CYFIP1: variants seen among roughly 807,000 people sequenced by gnomAD.
CYFIP1 encodes cytoplasmic FMR1 interacting protein 1.
A neutral mutation model predicts 163.5 loss-of-function variants in CYFIP1; 58 were observed. The ratio of observed to expected loss-of-function variants is 0.35; its 90% CI spans 0.29 to 0.44. The LOEUF is 0.44. Among genes scored for constraint, CYFIP1 ranks in the 20% least tolerant of loss-of-function variants. CYFIP1 has a pLI of 1.00. For missense variants in CYFIP1, 1,338 were observed against 1,653.8 expected (o/e 0.81, Z 3.31); for synonymous variants, 663 against 660.7 (o/e 1.00, Z -0.05).
chr15:22,977,578 C>G (rs550364627), intron 1 of CYFIP1, among the ~76,000 whole-genome samples: 9 of 152,122 alleles, frequency 5.9e-5, no homozygotes, highest in Non-Finnish European at 1.2e-4. Context: ...CGCCTGTAAT[C>G]CCAGCACGTT....
At chr15:22,975,441 C>CA (rs35556120) in intron 1 of CYFIP1, among the ~76,000 whole-genome samples, 3,750 of 71,054 alleles carry the variant, frequency 0.053, 199 homozygotes, top group Middle Eastern at 0.074. Context: ...GACTCCGTCT[C>CA]AAAAAAAAAA....
Position 22,937,187 on chromosome 15 carries a change from G to A in CYFIP1, c.817C>T (p.Leu273=). ...ATGTTACTGACACTCCCATCCATCA[G>A]GTACAGACCAAATCCCATGACCTGA... ...LLKVMGFGLY[L]MDGSVSNIYK... The change falls in exon 9 of 31, where the codon CTG becomes TTG. Residue 273 remains leucine, a synonymous_variant. Transcript: ENST00000617928. 6.2e-7 allele frequency: 1 copy of A among 1,612,396 alleles called. No homozygotes were observed. Among genetic ancestry groups the A allele is most frequent in the Non-Finnish European group, 8.5e-7 (1 of 1,178,482 alleles).
chr15:22,875,194 C>T lies in CYFIP1; in HGVS notation c.3115+5G>A. The T allele has an allele frequency of 6.2e-7, 1 of 1,614,032 alleles. No homozygotes were observed. The highest frequency in any genetic ancestry group is 8.5e-7 in the Non-Finnish European group (1 of 1,179,930). On this transcript the variant is annotated splice_donor_5th_base_variant and intron_variant, in intron 27 of 30. Transcript: ENST00000617928. ...GGACTCCCTGGTGGGGGTCAGCAGG[C>T]TCACCTTTCACATGGACTCGCGGCA...
chr15:22,921,369 A>AAAAT (rs111633687), intron 13 of CYFIP1, among the ~76,000 whole-genome samples: 11,533 of 148,948 alleles, frequency 0.077, 719 homozygotes, highest in African/African-American at 0.18. Flanking sequence ...CTCTGTCTCA[A>AAAAT]AAATAAATAA....
chr15:22,977,835 AAAAAT>A (rs1191578419), intron 1 of CYFIP1, among the ~76,000 whole-genome samples: 1 of 152,116 alleles, frequency 6.6e-6, no homozygotes, highest in Non-Finnish European at 1.5e-5. Flanking sequence ...CTGTCTCACA[AAAAAT>A]AAAATAAAAT....
At chr15:22,935,251 G>A (rs977852343) in intron 9 of CYFIP1, among the ~76,000 whole-genome samples, 1 of 152,204 alleles carries the variant, frequency 6.6e-6, no homozygotes, top group African/African-American at 2.4e-5. Flanking sequence ...AGCAGGGATG[G>A]AGGCTTGTGG....
chr15:22,916,505 G>T lies in CYFIP1; in HGVS notation c.1800C>A (p.Phe600Leu). The T allele has an allele frequency of 1.2e-6, 2 of 1,613,402 alleles. No homozygotes were observed. Among genetic ancestry groups the T allele is most frequent in the Non-Finnish European group, 1.7e-6 (2 of 1,179,454 alleles). The change falls in exon 16 of 31, where the codon TTC (phenylalanine) becomes TTA (leucine). Residue 600 changes from phenylalanine to leucine, a missense_variant. By Grantham distance (22) the Phe-to-Leu change is conservative. Around this residue, in one of 4 missense-constraint regions of CYFIP1, gnomAD observed 824 missense variants for 995.7 expected, o/e 0.83. Coordinates refer to ENST00000617928, the MANE Select transcript of CYFIP1 (RefSeq NM_014608.6). ...TGAAATTTATCAAGTGAGTGTAGAA[G>T]AATGACTCTCGATGAAATTTTTCTA... ...LDIEKFHRES[F>L]FYTHLINFSE...
In CYFIP1 at chr15:22,922,820, T is replaced by C. The variant is rs140296825; in HGVS notation, c.1359+3162A>G. On this transcript the variant is annotated intron_variant, in intron 13 of 30. Coordinates refer to ENST00000617928, the MANE Select transcript of CYFIP1 (RefSeq NM_014608.6). ...CAGCCTGGCCAACATGGTGAAACCC[T>C]GTCTCTACTAAAAATGCAAAAATTA... is the stretch of plus-strand genomic sequence containing the variant. Among the ~76,000 whole-genome samples the C allele has an allele frequency of 6.4e-3, 980 of 152,170 alleles. 16 individuals are homozygous for C. Among genetic ancestry groups the C allele is most frequent in the African/African-American group, 0.022 (913 of 41,540 alleles).
chr15:22,909,178 A>G lies in CYFIP1; in HGVS notation c.2388+16T>C, dbSNP rs769009827. ...CTTAGTCCAATTTATCAATAGGGCA[A>G]AGTGAAATTACTTACAACTATGGAG... On this transcript the variant is annotated intron_variant, in intron 21 of 30. Coordinates refer to ENST00000617928, the MANE Select transcript of CYFIP1 (RefSeq NM_014608.6). 1.2e-6 allele frequency: 2 copies of G among 1,613,658 alleles called. No homozygotes were observed. The highest frequency in any genetic ancestry group is 8.5e-7 in the Non-Finnish European group (1 of 1,179,590).
intron 1 of CYFIP1, among the ~76,000 whole-genome samples, chr15:22,951,937 G>T (rs1047619914): frequency 6.6e-6 from 1 of 151,578 alleles, no homozygotes; most frequent in Non-Finnish European, 1.5e-5. Context: ...ACCAGATAAC[G>T]CAGCTTGTTG....
Position 22,870,203 on chromosome 15 carries a change from C to CA in CYFIP1, c.3598-12dup, listed in dbSNP as rs2059389051. On this transcript the variant is annotated splice_polypyrimidine_tract_variant and intron_variant, in intron 30 of 30. Coordinates refer to ENST00000617928, the MANE Select transcript of CYFIP1 (RefSeq NM_014608.6). ...CATCTTCTTCAAAGGCTACAACCAT[C>CA]AAAGTGAGGATGTTTTACTATTAAC... 6.9e-6 allele frequency: 11 copies of CA among 1,600,520 alleles called. No individual in the cohort carries two copies. Among genetic ancestry groups the CA allele is most frequent in the Non-Finnish European group, 9.4e-6 (11 of 1,175,418 alleles).
intron 1 of CYFIP1, among the ~76,000 whole-genome samples, chr15:22,976,083 T>C (rs1355128917): frequency 2.6e-5 from 4 of 152,242 alleles, no homozygotes; most frequent in Non-Finnish European, 5.9e-5. Context: ...ATACAGATCC[T>C]GTAAGTCTTA....
intron 1 of CYFIP1, among the ~76,000 whole-genome samples, chr15:22,968,270 A>G (rs897689291): frequency 3.3e-5 from 5 of 152,222 alleles, no homozygotes; most frequent in Admixed American, 1.3e-4. Context: ...ACTCCAATCT[A>G]AACATTGCTA....
At chr15:22,976,318 C>T (rs1381778759) in intron 1 of CYFIP1, among the ~76,000 whole-genome samples, 1 of 152,120 alleles carries the variant, frequency 6.6e-6, no homozygotes, top group African/African-American at 2.4e-5. Flanking sequence ...CCACCATGCC[C>T]AACTAATTTT....
intron 11 of CYFIP1, among the ~76,000 whole-genome samples, 153 bp from the exon 12 acceptor site, chr15:22,928,181 C>G (rs1230824469): frequency 6.6e-6 from 1 of 152,048 alleles, no homozygotes. Context: ...GTCGGGAGAT[C>G]CAGACCATCC....
At position 22,873,479 on chromosome 15, in the gene CYFIP1, G is replaced by A. The variant is rs1486807102; in HGVS notation, c.3449+12C>T. On this transcript the variant is annotated intron_variant, in intron 29 of 30. Coordinates refer to ENST00000617928, the MANE Select transcript of CYFIP1 (RefSeq NM_014608.6). ...CCTCTGGGGCTTTGTCCTGCTCTCA[G>A]CACACACTTACTCGACTGTGAACTC... 1 of 1,606,318 alleles carries A rather than the reference G, an allele frequency of 6.2e-7. No homozygotes were observed. The highest frequency in any genetic ancestry group is 8.5e-7 in the Non-Finnish European group (1 of 1,173,740).
intron 1 of CYFIP1, among the ~76,000 whole-genome samples, chr15:22,974,311 T>A (rs563758632): frequency 3.9e-5 from 6 of 152,284 alleles, no homozygotes; most frequent in African/African-American, 1.4e-4. Context: ...CCGGGCCTGG[T>A]GGCTCACATC....
chr15:22,961,535 C>G (rs112024868), intron 1 of CYFIP1, among the ~76,000 whole-genome samples: 17,360 of 152,014 alleles, frequency 0.11, 1,122 homozygotes, highest in African/African-American at 0.12. Context: ...TGCACCACCA[C>G]GTCTGGCTAA....
chr15:22,887,621 C>G (rs1304956592), intron 23 of CYFIP1, among the ~76,000 whole-genome samples: 1 of 152,200 alleles, frequency 6.6e-6, no homozygotes, highest in African/African-American at 2.4e-5. Flanking sequence ...AGGCCTCTGG[C>G]CCCCTGCCCA....
Sources: allele counts gnomAD v4.1 joint callset (sites outside exome capture counted in the v4.1 genomes callset), GRCh38; gene constraint gnomAD v4.1.1; regional missense constraint gnomAD v4.1.1; transcripts MANE v1.5; gene names NCBI Gene and HGNC (gene_info 2026-07-23, HGNC 2026-07-21).